Variants in ASPA observed in about 807,000 individuals in gnomAD.
ASPA encodes the protein aspartoacylase.
A neutral mutation model predicts 29.6 loss-of-function variants in ASPA; 25 were observed. The ratio of observed to expected loss-of-function variants is 0.85; its 90% CI spans 0.62 to 1.18. The LOEUF is 1.18. Among genes scored for constraint, ASPA ranks in the 50% most tolerant of loss-of-function variants. ASPA has a pLI of 0.00. For missense variants in ASPA, 333 were observed against 385.7 expected (o/e 0.86, Z 1.14); for synonymous variants, 131 against 130.3 (o/e 1.01, Z -0.04).
chr17:3,489,527 C>T (rs1332349956), intron 4 of ASPA, among the ~76,000 whole-genome samples, 185 bp downstream of exon 4: 1 of 152,092 alleles, frequency 6.6e-6, no homozygotes, highest in African/African-American at 2.4e-5. Context: ...ATAAAGACTC[C>T]ACATTAAATC....
At chr17:3,483,284 T>C (rs938225774) in intron 2 of ASPA, among the ~76,000 whole-genome samples, 1 of 152,234 alleles carries the variant, frequency 6.6e-6, no homozygotes, top group African/African-American at 2.4e-5. Context: ...GGAAAGACAC[T>C]GTATAATTCA....
intron 4 of ASPA, 137 bp downstream of exon 4, chr17:3,489,479 T>C: frequency 1.5e-6 from 1 of 688,380 alleles, no homozygotes; most frequent in Non-Finnish European, 2.6e-6. Flanking sequence ...TATTCCCCAA[T>C]GGCCAGGATA....
At position 3,476,382 on chromosome 17, in the gene ASPA, C is replaced by T. The variant is rs770672838; in HGVS notation, c.223C>T (p.Leu75Phe). 2 of 1,613,916 alleles carry T rather than the reference C, an allele frequency of 1.2e-6. No homozygotes were observed. The highest frequency in any genetic ancestry group is 2.2e-5 in the South Asian group (2 of 91,078). Residue 75 changes from leucine (L) to phenylalanine (F), a missense_variant, in exon 1 of 6, where the codon CTT becomes TTT. Coordinates refer to ENST00000263080, the MANE Select transcript of ASPA (RefSeq NM_000049.4). ...CTGTGACCTGAATCGCATTTTTGAC[C>T]TTGAAAATCTTGGGTAAGACTATGC... ...IDCDLNRIFDLENLGKKMSED... is the reference protein window; with the variant it reads ...IDCDLNRIFDFENLGKKMSED...
Position 3,502,740 on chromosome 17 carries a change from C to T in ASPA, c.*3652C>T, listed in dbSNP as rs2074005923. 6.6e-6 allele frequency: 1 copy of T among 152,262 alleles called. No homozygotes were observed. Among genetic ancestry groups the T allele is most frequent in the Admixed American group, 6.5e-5 (1 of 15,284 alleles). 9.4% of individuals were successfully genotyped at this position (152,262 alleles called of 1,614,324 possible). On this transcript the variant is annotated 3_prime_UTR_variant, in exon 6 of 6. Coordinates refer to ENST00000263080, the MANE Select transcript of ASPA (RefSeq NM_000049.4). The stretch of plus-strand genomic sequence containing the variant: ...ACCTCCTTCAGACACCTCACGCACC[C>T]CCTGAGGAGCTAATGTTTCTTCCCA...
Position 3,490,869 on chromosome 17 carries a change from C to G in ASPA, c.634+1527C>G, listed in dbSNP as rs922951025. Among the ~76,000 whole-genome samples the G allele has an allele frequency of 6.6e-6, 1 of 152,160 alleles. No individual in the cohort carries two copies. The highest frequency in any genetic ancestry group is 2.4e-5 in the African/African-American group (1 of 41,436). On this transcript the variant is annotated intron_variant, in intron 4 of 5. Coordinates refer to ENST00000263080, the MANE Select transcript of ASPA (RefSeq NM_000049.4). This position sits in a 1 kb window ranked among gnomAD's most constrained non-coding sequence, Gnocchi z 4.6. ...TCCTGGAACACCCCACCCCTTAACC[C>G]CTTATCTCTGCTTCAACCAGAGCTC...
chr17:3,489,965 G>A (rs994549951), intron 4 of ASPA, among the ~76,000 whole-genome samples: 8 of 152,136 alleles, frequency 5.3e-5, no homozygotes, highest in African/African-American at 1.9e-4. Flanking sequence ...ACCTGTTGGT[G>A]GAGAGTTAAA....
rs1040137274 is a variant in ASPA at position 3,501,132 on chromosome 17, C to T, written c.*2044C>T. 3.3e-5 allele frequency: 5 copies of T among 151,608 alleles called. No individual in the cohort carries two copies. The highest frequency in any genetic ancestry group is 1.2e-4 in the African/African-American group (5 of 41,220). 9.4% of individuals were successfully genotyped at this position (151,608 alleles called of 1,614,324 possible). A position where few individuals can be genotyped will look rare whatever the true frequency, so the allele number is the denominator to read the frequency against. On this transcript the variant is annotated 3_prime_UTR_variant, in exon 6 of 6. Coordinates refer to ENST00000263080, the MANE Select transcript of ASPA (RefSeq NM_000049.4). ...TTCAAATCTAACTATTTAAGAAATA[C>T]ATTTCAGGCTGGGGGAGGGGAGAAA...
intron 1 of ASPA, among the ~76,000 whole-genome samples, chr17:3,478,713 C>A (rs73307204): frequency 0.015 from 2,298 of 152,246 alleles, 61 homozygotes; most frequent in African/African-American, 0.052. Context: ...CTGTTCCCAG[C>A]GTGGTTGAAA....
chr17:3,494,391 A>G lies in ASPA; in HGVS notation c.676A>G (p.Ile226Val), dbSNP rs755287107. ...PPCAIEVYKIIEKVDYPRDEN... is the reference protein window; with the variant it reads ...PPCAIEVYKIVEKVDYPRDEN... Reference sequence around the variant, plus strand: ...CTGCGCCATTGAGGTCTATAAAATTATAGAGAAAGTTGATTACCCCCGGGA... The same window carrying G: ...CTGCGCCATTGAGGTCTATAAAATTGTAGAGAAAGTTGATTACCCCCGGGA... The change falls in exon 5 of 6, where the codon ATA (isoleucine) becomes GTA (valine). Residue 226 changes from isoleucine (I) to valine (V), a missense_variant. By Grantham distance (29) the Ile-to-Val change is conservative (BLOSUM62 3). Transcript: ENST00000263080. The G allele has an allele frequency of 1.2e-6, 2 of 1,613,120 alleles. No homozygotes were observed. The highest frequency in any genetic ancestry group is 3.3e-5 in the Admixed American group (2 of 60,018).
In ASPA at chr17:3,476,191, T is replaced by C. The variant is rs745917743; in HGVS notation, c.32T>C (p.Ile11Thr). 2.5e-6 allele frequency: 4 copies of C among 1,613,930 alleles called. No individual in the cohort carries two copies. The South Asian group carries it at 3.3e-5, about 13-fold the overall frequency. Residue 11 changes from isoleucine to threonine, a missense_variant, in exon 1 of 6, where the codon ATA becomes ACA. Ile to Thr is a moderately conservative substitution (Grantham distance 89, BLOSUM62 -1). Coordinates refer to ENST00000263080, the MANE Select transcript of ASPA (RefSeq NM_000049.4). ...TCTTGTCACATTGCTGAAGAACATA[T>C]ACAAAAGGTTGCTATCTTTGGAGGA... is the stretch of plus-strand genomic sequence containing the variant. The part of the protein sequence containing the change: MTSCHIAEEH[I>T]QKVAIFGGTH...
rs554106095 is a variant in ASPA at position 3,491,145 on chromosome 17, G to A, written c.634+1803G>A. On this transcript the variant is annotated intron_variant, in intron 4 of 5. Transcript: ENST00000263080. ...ACATATGCGACATGCTTAGCTAAGT[G>A]ACAGGTCTCAGGAAGATAGCAGGAA... Among the ~76,000 whole-genome samples, 18 of 152,320 alleles carry A rather than the reference G, an allele frequency of 1.2e-4. 1 individual carries two copies. In the South Asian group the frequency reaches 3.7e-3, roughly 32 times the overall value.
rs1021010001 is a variant in ASPA at position 3,502,655 on chromosome 17, C to A, written c.*3567C>A. 2 of 152,198 alleles carry A rather than the reference C, an allele frequency of 1.3e-5. No homozygotes were observed. Among genetic ancestry groups the A allele is most frequent in the African/African-American group, 4.8e-5 (2 of 41,428 alleles). 9.4% of individuals were successfully genotyped at this position (152,198 alleles called of 1,614,324 possible). ...TGGCCCTTTGTCCACAAACAGTAAC[C>A]CACACAGCATTGCTACTGTGGCATG... On this transcript the variant is annotated 3_prime_UTR_variant, in exon 6 of 6. Coordinates refer to ENST00000263080, the MANE Select transcript of ASPA (RefSeq NM_000049.4).
chr17:3,483,363 A>T, intron 2 of ASPA, 136 bp from the exon 3 acceptor site: 1 of 744,146 alleles, frequency 1.3e-6, no homozygotes, highest in African/African-American at 1.7e-5. Flanking sequence ...ATTGGGTTTT[A>T]AAGTATTTCA....
At chr17:3,491,872 G>GTTT in intron 4 of ASPA, among the ~76,000 whole-genome samples, 1 of 109,150 alleles carries the variant, frequency 9.2e-6, no homozygotes. Context: ...TTTTTCTTTT[G>GTTT]TTTTCTTTTT....
Position 3,477,267 on chromosome 17 carries a change from G to A in ASPA, c.236+872G>A, listed in dbSNP as rs570502696. ...GTTGTAGATGGGATACCAGAGATGA[G>A]AACTAAAGACACCATCTGAATTTTC... On this transcript the variant is annotated intron_variant, in intron 1 of 5. Coordinates refer to ENST00000263080, the MANE Select transcript of ASPA (RefSeq NM_000049.4). Among the ~76,000 whole-genome samples, 10 of 152,308 alleles carry A rather than the reference G, an allele frequency of 6.6e-5. No homozygotes were observed. In the South Asian group the frequency reaches 2.1e-3, roughly 32 times the overall value.
chr17:3,476,314 T>C lies in ASPA; in HGVS notation c.155T>C (p.Ile52Thr). The stretch of plus-strand genomic sequence containing the variant: ...ACAGGGCTGGAGGTAAAACCATTTA[T>C]TACTAACCCCAGAGCAGTGAAGAAG... Reference protein sequence around the residue: ...QRTGLEVKPFITNPRAVKKCT... With the variant: ...QRTGLEVKPFTTNPRAVKKCT... Residue 52 changes from isoleucine (I) to threonine (T), a missense_variant, in exon 1 of 6, where the codon ATT becomes ACT. Physicochemically the swap from Ile to Thr is moderately conservative, Grantham distance 89. Coordinates refer to ENST00000263080, the MANE Select transcript of ASPA (RefSeq NM_000049.4). 5.0e-6 allele frequency: 8 copies of C among 1,614,194 alleles called. No homozygotes were observed. The highest frequency in any genetic ancestry group is 6.8e-6 in the Non-Finnish European group (8 of 1,180,032).
intron 3 of ASPA, among the ~76,000 whole-genome samples, chr17:3,486,048 T>C (rs1214003369): frequency 6.6e-6 from 1 of 151,670 alleles, no homozygotes; most frequent in Non-Finnish European, 1.5e-5. Context: ...TTCTCCTGCC[T>C]CAGCCTCCTG....
At chr17:3,475,895 A>G, upstream of ASPA, 1 of 487,674 alleles carries the variant, frequency 2.1e-6, no homozygotes, top group East Asian at 3.8e-5. Flanking sequence ...AGGGAGTTAG[A>G]AGTTAAAGTA....
intron 1 of ASPA, among the ~76,000 whole-genome samples, chr17:3,477,930 C>A (rs1157229867): frequency 6.6e-6 from 1 of 151,808 alleles, no homozygotes; most frequent in Non-Finnish European, 1.5e-5. Context: ...CACCTGTAAT[C>A]CCAACACTTT....
Sources: allele counts gnomAD v4.1 joint callset (sites outside exome capture counted in the v4.1 genomes callset), GRCh38; gene constraint gnomAD v4.1.1; non-coding constraint Gnocchi (gnomAD v3.1); transcripts MANE v1.5; gene names NCBI Gene and HGNC (gene_info 2026-07-23, HGNC 2026-07-21).